Variants in WDR72 observed in about 807,000 individuals in gnomAD.
WDR72 encodes the protein WD repeat-containing protein 72.
Under a neutral mutation model 124.2 loss-of-function variants are expected in WDR72, and 120 were observed. The observed-to-expected ratio is 0.97, with a 90% CI of 0.83 to 1.12. The LOEUF (loss-of-function observed/expected upper bound fraction) is 1.12. WDR72 is among the 50% of genes most tolerant of loss of function. WDR72 has a pLI of 0.00. For synonymous variants in WDR72, 452 were observed against 441.7 expected (o/e 1.02, Z -0.29); for missense variants, 1,387 against 1,278.8 (o/e 1.08, Z -1.29).
intron 14 of WDR72, among the ~76,000 whole-genome samples, chr15:53,642,239 A>G (rs1326409546): frequency 6.6e-6 from 1 of 152,024 alleles, no homozygotes; most frequent in African/African-American, 2.4e-5. Context: ...GTATATTAGC[A>G]TATAGTCCCA....
chr15:53,691,705 C>T (rs2016851295), intron 13 of WDR72, among the ~76,000 whole-genome samples: 1 of 151,060 alleles, frequency 6.6e-6, no homozygotes, highest in Non-Finnish European at 1.5e-5. Flanking sequence ...CAGTATTCCA[C>T]ATACAGTAAC....
At chr15:53,740,522 T>A (rs571684557) in intron 1 of WDR72, among the ~76,000 whole-genome samples, 1 of 152,084 alleles carries the variant, frequency 6.6e-6, no homozygotes, top group Non-Finnish European at 1.5e-5. Flanking sequence ...GGTCTCAATC[T>A]CCTGACCTCG....
intron 10 of WDR72, 42 bp from the exon 11 acceptor site, chr15:53,705,275 G>A: frequency 6.3e-7 from 1 of 1,593,806 alleles, no homozygotes; most frequent in Non-Finnish European, 8.5e-7. Context: ...TGGTTTATCA[G>A]TACATCATAG....
intron 13 of WDR72, among the ~76,000 whole-genome samples, chr15:53,691,104 C>G (rs532262647): frequency 6.6e-6 from 1 of 152,162 alleles, no homozygotes; most frequent in Non-Finnish European, 1.5e-5. Context: ...GGCTGGAGCA[C>G]AGTGGCACGA....
At chr15:53,548,465 G>C (rs1301863191) in intron 18 of WDR72, among the ~76,000 whole-genome samples, 1 of 152,164 alleles carries the variant, frequency 6.6e-6, no homozygotes, top group African/African-American at 2.4e-5. Context: ...ACTTCAAAGA[G>C]AGTGATTTTG....
chr15:53,557,667 G>A (rs1267259299), intron 18 of WDR72, among the ~76,000 whole-genome samples: 1 of 151,918 alleles, frequency 6.6e-6, no homozygotes, highest in East Asian at 1.9e-4. Context: ...CCGTGAGCCT[G>A]GAAAAGTGAC....
At chr15:53,577,474 A>AT (rs2011676386) in intron 18 of WDR72, among the ~76,000 whole-genome samples, 1 of 152,152 alleles carries the variant, frequency 6.6e-6, no homozygotes, top group Non-Finnish European at 1.5e-5. Context: ...GAAGGCTAAT[A>AT]TAAAAAAAAC....
At chr15:53,531,152 G>A (rs907648806) in intron 18 of WDR72, among the ~76,000 whole-genome samples, 4 of 151,998 alleles carry the variant, frequency 2.6e-5, no homozygotes, top group African/African-American at 7.2e-5. Flanking sequence ...ACCATATTTC[G>A]TATCATTAGG....
intron 17 of WDR72, among the ~76,000 whole-genome samples, chr15:53,607,613 A>G (rs574971035): frequency 1.3e-5 from 2 of 152,230 alleles, no homozygotes; most frequent in Admixed American, 6.6e-5. Context: ...TTGGGCAAAA[A>G]TTTCCTGAGT....
chr15:53,708,095 C>T lies in WDR72; in HGVS notation c.955-2021G>A, dbSNP rs115997529. Among the ~76,000 whole-genome samples the T allele has an allele frequency of 8.3e-3, 1,265 of 152,292 alleles. 29 individuals carry two copies. Among genetic ancestry groups the T allele is most frequent in the African/African-American group, 0.029 (1,217 of 41,552 alleles). On this transcript the variant is annotated intron_variant, in intron 9 of 19. Coordinates refer to ENST00000360509, the MANE Select transcript of WDR72 (RefSeq NM_182758.4). ...GCTTGGTCCCTCGCTCCTCCTCCTCCCAAACAGTTCCCTCTAGTTCTGCTA... is the reference window on the plus strand; with the variant it reads ...GCTTGGTCCCTCGCTCCTCCTCCTCTCAAACAGTTCCCTCTAGTTCTGCTA...
At chr15:53,606,154 A>G (rs997367837) in intron 17 of WDR72, among the ~76,000 whole-genome samples, 1 of 152,180 alleles carries the variant, frequency 6.6e-6, no homozygotes, top group Non-Finnish European at 1.5e-5. Context: ...AAACATGCCC[A>G]AATGACATTA....
At chr15:53,671,996 CGAGA>C (rs979931965) in intron 13 of WDR72, among the ~76,000 whole-genome samples, 3 of 145,718 alleles carry the variant, frequency 2.1e-5, no homozygotes, top group East Asian at 2.1e-4. Flanking sequence ...AGGGAGAGAG[CGAGA>C]GAGAGAGAGA....
chr15:53,671,217 T>G lies in WDR72; in HGVS notation c.1766-5449A>C, dbSNP rs2015976167. Among the ~76,000 whole-genome samples the G allele has an allele frequency of 2.0e-5, 3 of 152,312 alleles. No homozygotes were observed. In the Middle Eastern group the frequency reaches 0.01, roughly 518 times the overall value. ...CTCACCCTCGCTCTGCTTTCTCCCA[T>G]GTCAGCCTCCCCTTATTCACAAATT... On this transcript the variant is annotated intron_variant, in intron 13 of 19. Coordinates refer to ENST00000360509, the MANE Select transcript of WDR72 (RefSeq NM_182758.4).
At chr15:53,733,521 T>C (rs2018264600) in intron 1 of WDR72, among the ~76,000 whole-genome samples, 1 of 152,162 alleles carries the variant, frequency 6.6e-6, no homozygotes. Context: ...CATGGTATAA[T>C]TTGAAGCCAG....
chr15:53,701,660 G>A (rs2017183823), intron 12 of WDR72, among the ~76,000 whole-genome samples: 1 of 151,628 alleles, frequency 6.6e-6, no homozygotes, highest in African/African-American at 2.4e-5. Flanking sequence ...GTCTTGCTCT[G>A]TTGCCCAGGC....
At chr15:53,559,420 T>A (rs766715940) in intron 18 of WDR72, among the ~76,000 whole-genome samples, 1 of 152,056 alleles carries the variant, frequency 6.6e-6, no homozygotes, top group Non-Finnish European at 1.5e-5. Context: ...CCTTACAATA[T>A]CTGTAGGAAA....
At chr15:53,631,745 G>A (rs2014437815) in intron 14 of WDR72, among the ~76,000 whole-genome samples, 1 of 152,156 alleles carries the variant, frequency 6.6e-6, no homozygotes, top group African/African-American at 2.4e-5. Flanking sequence ...TGGCTGTATT[G>A]TGGGTTTGCT....
At chr15:53,629,594 A>C (rs1372334155) in intron 14 of WDR72, among the ~76,000 whole-genome samples, 1 of 152,190 alleles carries the variant, frequency 6.6e-6, no homozygotes, top group African/African-American at 2.4e-5. Context: ...AGGTTAATTA[A>C]GTTAGGTCCA....
At chr15:53,667,328 T>G (rs902281111) in intron 13 of WDR72, among the ~76,000 whole-genome samples, 2 of 152,234 alleles carry the variant, frequency 1.3e-5, no homozygotes, top group African/African-American at 4.8e-5. Context: ...CACTCCAGCC[T>G]GGGTGACAGA....
Sources: allele counts gnomAD v4.1 joint callset (sites outside exome capture counted in the v4.1 genomes callset), GRCh38; gene constraint gnomAD v4.1.1; transcripts MANE v1.5; gene names NCBI Gene and HGNC (gene_info 2026-07-23, HGNC 2026-07-21).